The following NSD1 variants were observed in gnomAD, a reference collection of about 807,000 sequenced individuals.
NSD1 encodes nuclear receptor binding SET domain protein 1, also known as histone-lysine N-methyltransferase, H3 lysine-36 specific.
In NSD1, 26 loss-of-function variants were observed where a neutral mutation model predicts 242.7. The observed-to-expected ratio is 0.11, with a 90% CI of 0.08 to 0.15. NSD1 has a LOEUF of 0.15. Ranked by LOEUF, NSD1 falls within the 10% of genes least tolerant of loss-of-function variation. The probability of loss-of-function intolerance (pLI) is 1.00; values close to 1 mark genes in which losing one functional copy is unlikely to be tolerated. For synonymous variants in NSD1, 1,106 were observed against 1,178.1 expected, an observed-to-expected ratio of 0.94 and a Z score of 1.25; for missense variants, 2,495 against 3,272.8, an observed-to-expected ratio of 0.76 and a Z score of 5.80.
At chr5:177,213,397 G>A (rs1471258905) in intron 5 of NSD1, among the ~76,000 whole-genome samples, 4 of 152,314 alleles carry the variant, frequency 2.6e-5, no homozygotes, top group East Asian at 3.9e-4. Flanking sequence ...CAATCAGTGC[G>A]ATCAATTGTG....
intron 19 of NSD1, among the ~76,000 whole-genome samples, chr5:177,283,217 G>A (rs1004031346): frequency 2.6e-5 from 4 of 152,310 alleles, no homozygotes; most frequent in Middle Eastern, 3.4e-3. Flanking sequence ...GACTCCCAAA[G>A]TGCTGGGATT....
rs1018001392 is a variant in NSD1 at position 177,297,815 on chromosome 5, A to G, written c.*2356A>G. On this transcript the variant is annotated 3_prime_UTR_variant, in exon 23 of 23. Transcript: ENST00000439151. ...CAGGAGGGAGTGAGGGAAAGGGGCC[A>G]TGATTGGCTGCTTTGTGGTTTTATT... The G allele has an allele frequency of 4.3e-6, 1 of 232,948 alleles. No homozygotes were observed. Among genetic ancestry groups the G allele is most frequent in the Non-Finnish European group, 8.5e-6 (1 of 117,984 alleles). The allele number at this position is 232,948 out of a possible 1,614,324, so 14.4% of individuals were successfully genotyped here. A position where few individuals can be genotyped will look rare whatever the true frequency, so the allele number is the denominator to read the frequency against.
At position 177,294,098 on chromosome 5, in the gene NSD1, G is replaced by A. The variant is rs767075884; in HGVS notation, c.6730G>A (p.Ala2244Thr). The A allele has an allele frequency of 1.2e-6, 2 of 1,614,048 alleles. No homozygotes were observed. Among genetic ancestry groups the A allele is most frequent in the East Asian group, 4.5e-5 (2 of 44,874 alleles). The change falls in exon 23 of 23, where the codon GCT becomes ACT. Residue 2244 changes from alanine (A) to threonine (T), a missense_variant. Transcript: ENST00000439151. ...THLAEQSTGM[A>T]AQAPKMSDKP... ...CCTGGCAGAGCAATCAACAGGAATG[G>A]CTGCTCAGGCACCCAAAATGTCAGA...
chr5:177,220,551 T>G (rs1442351868), intron 5 of NSD1, among the ~76,000 whole-genome samples: 1 of 151,056 alleles, frequency 6.6e-6, no homozygotes, highest in Non-Finnish European at 1.5e-5. Flanking sequence ...ATTTTTTTTC[T>G]TATAGTAATT....
chr5:177,286,742 T>C (rs946972200), intron 20 of NSD1, among the ~76,000 whole-genome samples: 1 of 152,248 alleles, frequency 6.6e-6, no homozygotes, highest in East Asian at 1.9e-4. Flanking sequence ...TGCTGAGTGC[T>C]GATAGTCCCA....
chr5:177,290,035 A>C (rs189454648), intron 21 of NSD1, among the ~76,000 whole-genome samples: 10 of 151,566 alleles, frequency 6.6e-5, no homozygotes, highest in East Asian at 1.9e-4. Context: ...CACTGTTGTT[A>C]GCCAGGTTGG....
chr5:177,222,409 C>G (rs1764311128), intron 5 of NSD1, among the ~76,000 whole-genome samples: 1 of 152,138 alleles, frequency 6.6e-6, no homozygotes, highest in African/African-American at 2.4e-5. Flanking sequence ...ATATTCAACC[C>G]TTTGAGTAAC....
At chr5:177,176,425 CTTT>C (rs537202358) in intron 2 of NSD1, among the ~76,000 whole-genome samples, 3 of 138,386 alleles carry the variant, frequency 2.2e-5, no homozygotes, top group African/African-American at 8.3e-5. Context: ...CCTGGCTATT[CTTT>C]TTTTTTTTTT....
chr5:177,292,240 G>A, intron 22 of NSD1, 82 bp downstream of exon 22: 1 of 1,412,690 alleles, frequency 7.1e-7, no homozygotes, highest in East Asian at 2.3e-5. Flanking sequence ...CAGCCTTGAA[G>A]AAAGTGCCAT....
intron 4 of NSD1, among the ~76,000 whole-genome samples, chr5:177,206,163 C>G (rs1245562697): frequency 6.6e-6 from 1 of 152,144 alleles, no homozygotes; most frequent in African/African-American, 2.4e-5. Context: ...CCACACCTGG[C>G]TAATTTTTGT....
intron 11 of NSD1, 140 bp from the exon 12 acceptor site, chr5:177,251,590 C>T (rs1427446770): frequency 1.4e-5 from 11 of 771,472 alleles, no homozygotes; most frequent in African/African-American, 3.5e-5. Context: ...AGACTAAAAT[C>T]TACAACTACG....
At position 177,135,275 on chromosome 5, in the gene NSD1, C is replaced by G. The variant is rs762876721; in HGVS notation, c.172C>G (p.Gln58Glu). ...GTTATCGACTGTCAGTGGAACATCC[C>G]AAAATGCTTATGGACAAGATTCTCC... Reference protein sequence around the residue: ...MQLSTVSGTSQNAYGQDSPSC... With the variant: ...MQLSTVSGTSENAYGQDSPSC... The change falls in exon 2 of 23, where the codon CAA becomes GAA. Residue 58 changes from glutamine (Q) to glutamate (E), a missense_variant. By Grantham distance (29) the Gln-to-Glu change is conservative (BLOSUM62 2). Coordinates refer to ENST00000439151, the MANE Select transcript of NSD1 (RefSeq NM_022455.5). 1 of 1,613,704 alleles carries G rather than the reference C, an allele frequency of 6.2e-7. No individual in the cohort carries two copies. Among genetic ancestry groups the G allele is most frequent in the Non-Finnish European group, 8.5e-7 (1 of 1,179,646 alleles).
intron 3 of NSD1, among the ~76,000 whole-genome samples, chr5:177,201,137 T>C (rs1370355265): frequency 6.6e-6 from 1 of 152,168 alleles, no homozygotes; most frequent in Non-Finnish European, 1.5e-5. Context: ...TCTGCCTGCC[T>C]CCACCTCCCA....
intron 17 of NSD1, among the ~76,000 whole-genome samples, chr5:177,274,127 C>G (rs902080976): frequency 7.2e-5 from 11 of 152,060 alleles, no homozygotes; most frequent in African/African-American, 2.7e-4. Context: ...ACACTCAAGC[C>G]TGGGCGACAG....
chr5:177,135,156 A>G lies in NSD1; in HGVS notation c.53A>G (p.Asn18Ser), dbSNP rs199661846. The G allele has an allele frequency of 6.2e-7, 1 of 1,614,192 alleles. No individual in the cohort carries two copies. The highest frequency in any genetic ancestry group is 8.5e-7 in the Non-Finnish European group (1 of 1,180,034). Residue 18 changes from asparagine to serine, a missense_variant, in exon 2 of 23, where the codon AAT (asparagine) becomes AGT (serine). By Grantham distance (46) the Asn-to-Ser change is conservative. Transcript: ENST00000439151. The stretch of plus-strand genomic sequence containing the variant: ...AGAAATTGTCTGCTGCCCTTTTCCA[A>G]TCCAGTGAATTTAGATGCCCCTGAA... ...PRRNCLLPFSNPVNLDAPEDK... is the reference protein window; with the variant it reads ...PRRNCLLPFSSPVNLDAPEDK...
chr5:177,250,866 C>T (rs1755889286), intron 11 of NSD1, among the ~76,000 whole-genome samples: 1 of 152,112 alleles, frequency 6.6e-6, no homozygotes, highest in Non-Finnish European at 1.5e-5. Flanking sequence ...TCACCTTTCC[C>T]CTTGTTTGCT....
Position 177,265,974 on chromosome 5 carries a change from C to G in NSD1, c.5147-1588C>G, listed in dbSNP as rs142470349. 852 of 1,091,800 alleles carry G rather than the reference C, an allele frequency of 7.8e-4. 2 individuals are homozygous for G. In the African/African-American group the frequency reaches 0.012, roughly 16 times the overall value. 67.6% of individuals were successfully genotyped at this position (1,091,800 alleles called of 1,614,324 possible). On this transcript the variant is annotated intron_variant, in intron 14 of 22. Transcript: ENST00000439151. Reference sequence around the variant, plus strand: ...TTGGTAACCAGCTGTTTGAGGTCCACCACATCCACTAGGGTTTCCTTGATG... The same window carrying G: ...TTGGTAACCAGCTGTTTGAGGTCCAGCACATCCACTAGGGTTTCCTTGATG...
chr5:177,229,648 G>T (rs1764900350), intron 5 of NSD1: 1 of 261,190 alleles, frequency 3.8e-6, no homozygotes. Context: ...ACTGAAAAGT[G>T]CTGTAACTGG....
chr5:177,141,348 T>C (rs910299453), intron 2 of NSD1, among the ~76,000 whole-genome samples: 1 of 138,584 alleles, frequency 7.2e-6, no homozygotes, highest in East Asian at 2.1e-4. Context: ...TTTTTTTTTT[T>C]AAGATGAATT....
Sources: gnomAD v4.1 joint callset for allele counts (sites outside exome capture counted in the v4.1 genomes callset) on GRCh38, gnomAD v4.1.1 for gene constraint, MANE v1.5 for transcripts, NCBI Gene and HGNC (gene_info 2026-07-23, HGNC 2026-07-21) for gene names.